NUP98: variants seen among roughly 807,000 people sequenced by gnomAD.
The protein encoded by NUP98 is nuclear pore complex protein Nup98-Nup96.
In NUP98, 26 loss-of-function variants were observed where a neutral mutation model predicts 191.9. That is an observed-to-expected ratio of 0.14 (90% CI 0.10 to 0.19). NUP98 has a LOEUF of 0.19. Ranked by LOEUF, NUP98 falls within the 10% of genes least tolerant of loss-of-function variation. The pLI, the probability that NUP98 is intolerant of heterozygous loss-of-function variation, is 1.00. For synonymous variants in NUP98, 808 were observed against 778.4 expected (o/e 1.04, Z -0.63); for missense variants, 1,941 against 2,178.8 (o/e 0.89, Z 2.17).
At chr11:3,726,683 T>C (rs1039622788) in intron 14 of NUP98, among the ~76,000 whole-genome samples, 15 of 151,978 alleles carry the variant, frequency 9.9e-5, no homozygotes, top group African/African-American at 3.1e-4. Context: ...TCTTAAATAC[T>C]TTTTCCCCCA....
At chr11:3,712,491 T>C in intron 20 of NUP98, 73 bp downstream of exon 20, 6 of 1,596,976 alleles carry the variant, frequency 3.8e-6, no homozygotes, top group Non-Finnish European at 5.1e-6. Context: ...AACAGCTTTG[T>C]ATTAGCTGAA....
In NUP98 at chr11:3,699,081, C is replaced by T; in HGVS notation, c.4009+1G>A. 6.2e-7 allele frequency: 1 copy of T among 1,612,192 alleles called. No homozygotes were observed. Among genetic ancestry groups the T allele is most frequent in the Non-Finnish European group, 8.5e-7 (1 of 1,179,830 alleles). On this transcript the variant is annotated splice_donor_variant, in intron 25 of 32. Transcript: ENST00000324932. LOFTEE classifies it high-confidence loss of function. Reference sequence around the variant, plus strand: ...AGAGAAGGACCATATGCCTTCCCCACCTGACTGCTGGGCCAGAGAGCAGGC... The same window carrying T: ...AGAGAAGGACCATATGCCTTCCCCATCTGACTGCTGGGCCAGAGAGCAGGC...
intron 10 of NUP98, among the ~76,000 whole-genome samples, chr11:3,759,069 C>T (rs2081075217): frequency 1.3e-5 from 2 of 152,132 alleles, no homozygotes. Flanking sequence ...TTCTCCAGTA[C>T]AGGATCGTTC....
chr11:3,774,999 C>A (rs755123489), intron 5 of NUP98, among the ~76,000 whole-genome samples: 110 of 152,276 alleles, frequency 7.2e-4, no homozygotes, highest in Non-Finnish European at 1.0e-3. Context: ...GCTAACTGCA[C>A]CTCCAGCATA....
Position 3,776,818 on chromosome 11 carries a change from C to T in NUP98, c.356-797G>A, listed in dbSNP as rs140837475. ...AAATAGAAATTCATACAGAAAGATACGTACTTCCAGGCTCACAACTTTCAA... is the reference window on the plus strand; with the variant it reads ...AAATAGAAATTCATACAGAAAGATATGTACTTCCAGGCTCACAACTTTCAA... On this transcript the variant is annotated intron_variant, in intron 4 of 32. Coordinates refer to ENST00000324932, the MANE Select transcript of NUP98 (RefSeq NM_016320.5). 3.1e-3 allele frequency among the ~76,000 whole-genome samples: 475 copies of T among 152,052 alleles called. 1 individual carries two copies. Among genetic ancestry groups the T allele is most frequent in the African/African-American group, 0.011 (446 of 41,476 alleles).
At chr11:3,764,798 TCG>T (rs1365876948) in intron 8 of NUP98, among the ~76,000 whole-genome samples, 4 of 152,234 alleles carry the variant, frequency 2.6e-5, no homozygotes, top group Non-Finnish European at 5.9e-5. Context: ...CAGGCTAATC[TCG>T]AACTCCTGAC....
At chr11:3,722,675 G>C (rs1439467418) in intron 16 of NUP98, among the ~76,000 whole-genome samples, 1 of 151,956 alleles carries the variant, frequency 6.6e-6, no homozygotes, top group Admixed American at 6.6e-5. Flanking sequence ...ACTTAACGGG[G>C]TGTGGTATCA....
chr11:3,731,138 C>T (rs1383187963), intron 14 of NUP98, among the ~76,000 whole-genome samples: 1 of 152,066 alleles, frequency 6.6e-6, no homozygotes, highest in East Asian at 1.9e-4. Context: ...ATGGCACACG[C>T]CTGTAATCCC....
At chr11:3,690,257 G>A (rs955575280) in intron 28 of NUP98, among the ~76,000 whole-genome samples, 1 of 147,940 alleles carries the variant, frequency 6.8e-6, no homozygotes, top group Admixed American at 6.8e-5. Context: ...CTGGCTGTCT[G>A]CATTTTTTTT....
chr11:3,753,638 C>T (rs34931965), intron 10 of NUP98, among the ~76,000 whole-genome samples: 3 of 151,570 alleles, frequency 2.0e-5, no homozygotes, highest in African/African-American at 4.8e-5. Context: ...AGGCCATGCG[C>T]GGTGGCTCAC....
In NUP98 at chr11:3,790,938, C is replaced by T. The variant is rs553241136; in HGVS notation, c.-29+6462G>A. Among the ~76,000 whole-genome samples the T allele has an allele frequency of 2.8e-4, 42 of 150,978 alleles. No individual in the cohort carries two copies. The South Asian group carries it at 8.6e-3, about 31-fold the overall frequency. ...TGAGACAGAGTCTGGCTCTGTTGCC[C>T]AGGCTGGAGTGAAGTGACGCAATCT... On this transcript the variant is annotated intron_variant, in intron 1 of 32. Transcript: ENST00000324932.
At chr11:3,728,767 CAAT>C (rs2079718682) in intron 14 of NUP98, among the ~76,000 whole-genome samples, 1 of 151,992 alleles carries the variant, frequency 6.6e-6, no homozygotes, top group African/African-American at 2.4e-5. Flanking sequence ...AAAATAAAAA[CAAT>C]AAGAACTGAA....
intron 28 of NUP98, among the ~76,000 whole-genome samples, chr11:3,686,438 G>A (rs1589956515): frequency 6.6e-6 from 1 of 152,286 alleles, no homozygotes; most frequent in East Asian, 1.9e-4. Flanking sequence ...TGCTGGTAAT[G>A]GTTTGGCGTA....
chr11:3,732,688 T>A (rs373362202), intron 13 of NUP98, among the ~76,000 whole-genome samples: 2 of 152,376 alleles, frequency 1.3e-5, no homozygotes, highest in Admixed American at 6.5e-5. Context: ...CAACTAAATT[T>A]CAGGGTGCTT....
intron 12 of NUP98, among the ~76,000 whole-genome samples, chr11:3,740,930 C>T (rs536660574): frequency 1.3e-5 from 2 of 151,790 alleles, no homozygotes; most frequent in Admixed American, 6.6e-5. Context: ...GCGATTCTCC[C>T]GCCTCAGCCT....
intron 18 of NUP98, 36 bp from the exon 19 acceptor site, chr11:3,714,031 G>C: frequency 6.3e-7 from 1 of 1,599,742 alleles, no homozygotes; most frequent in East Asian, 2.2e-5. Context: ...ACCAATTAAA[G>C]TAAAAGCGCT....
intron 1 of NUP98, among the ~76,000 whole-genome samples, chr11:3,786,498 A>C (rs1256211307): frequency 1.3e-5 from 2 of 152,220 alleles, no homozygotes; most frequent in Non-Finnish European, 2.9e-5. Context: ...AAGAAAAATG[A>C]AATAGTGTTA....
intron 19 of NUP98, 98 bp downstream of exon 19, chr11:3,713,720 T>C (rs1248187191): frequency 8.7e-7 from 1 of 1,146,112 alleles, no homozygotes; most frequent in Non-Finnish European, 1.2e-6. Context: ...ACCCCATCAA[T>C]CAATCAATAG....
chr11:3,742,657 T>A (rs1168387298), intron 12 of NUP98, among the ~76,000 whole-genome samples: 2 of 128,504 alleles, frequency 1.6e-5, no homozygotes, highest in South Asian at 2.4e-4. Context: ...CGAGATTACA[T>A]CACTGCACTC....
Sources: gnomAD v4.1 joint callset for allele counts (sites outside exome capture counted in the v4.1 genomes callset) on GRCh38, gnomAD v4.1.1 for gene constraint, MANE v1.5 for transcripts, NCBI Gene and HGNC (gene_info 2026-07-23, HGNC 2026-07-21) for gene names.